Variants in DOCK9 observed in about 807,000 individuals in gnomAD.
DOCK9 encodes dedicator of cytokinesis protein 9.
DOCK9 carries 89 observed loss-of-function variants against 263.3 expected under a neutral mutation model. That is an observed-to-expected ratio of 0.34 (90% CI 0.28 to 0.40). The LOEUF is 0.40. Ranked by LOEUF, DOCK9 falls within the 10% of genes least tolerant of loss-of-function variation. The pLI is 1.00. For missense variants in DOCK9, 2,140 were observed against 2,603.4 expected, an observed-to-expected ratio of 0.82 and a Z score of 3.87; for synonymous variants, 976 against 973.1, an observed-to-expected ratio of 1.00 and a Z score of -0.06.
upstream of DOCK9, among the ~76,000 whole-genome samples, chr13:98,979,209 AGT>A (rs1876305640): frequency 7.8e-6 from 1 of 128,470 alleles, no homozygotes; most frequent in Admixed American, 7.9e-5. Flanking sequence ...TAGTAGTAGT[AGT>A]AGTAGTAGTA....
At position 98,825,826 on chromosome 13, in the gene DOCK9, A is replaced by G. The variant is rs1374833820; in HGVS notation, c.5023+1004T>C. The G allele has an allele frequency of 1.5e-6, 2 of 1,343,124 alleles. No individual in the cohort carries two copies. Among genetic ancestry groups the G allele is most frequent in the Admixed American group, 3.1e-5 (1 of 31,982 alleles). The allele number at this position is 1,343,124 out of a possible 1,614,324, so 83.2% of individuals were successfully genotyped here. On this transcript the variant is annotated intron_variant, in intron 44 of 52. Coordinates refer to ENST00000682017, the MANE Select transcript of DOCK9 (RefSeq NM_001366683.2). The surrounding 1 kb of genome is among the most constrained non-coding windows in gnomAD (Gnocchi z 4.1). ...ATCCCCCACCACGGGAGGGCACGTGACCAGGGCAGGGGGTCCCCGGGGGCT... is the reference window on the plus strand; with the variant it reads ...ATCCCCCACCACGGGAGGGCACGTGGCCAGGGCAGGGGGTCCCCGGGGGCT...
intron 1 of DOCK9, among the ~76,000 whole-genome samples, chr13:99,015,161 G>A (rs754554277): frequency 1.3e-5 from 2 of 152,108 alleles, no homozygotes; most frequent in Non-Finnish European, 1.5e-5. Context: ...TTATTTCTAG[G>A]ACTATACCAA....
intron 7 of DOCK9, among the ~76,000 whole-genome samples, chr13:98,916,349 G>A (rs2050886944): frequency 1.3e-5 from 2 of 152,228 alleles, no homozygotes; most frequent in African/African-American, 4.8e-5. Context: ...GCAGTAGACA[G>A]AGGTTCAGCT....
chr13:98,908,831 G>A (rs375969962), intron 9 of DOCK9, among the ~76,000 whole-genome samples: 10 of 152,040 alleles, frequency 6.6e-5, no homozygotes, highest in East Asian at 3.9e-4. Flanking sequence ...TACTTATTGC[G>A]GCAAGCACGC....
chr13:98,883,044 T>C lies in DOCK9; in HGVS notation c.2557A>G (p.Lys853Glu), dbSNP rs1393840861. The C allele has an allele frequency of 6.2e-7, 1 of 1,613,222 alleles. No individual in the cohort carries two copies. The change falls in exon 23 of 53, where the codon AAG (lysine) becomes GAG (glutamate). Residue 853 changes from lysine (K) to glutamate (E), a missense_variant and splice_region_variant. Physicochemically the swap from Lys to Glu is moderately conservative, Grantham distance 56. Coordinates refer to ENST00000682017, the MANE Select transcript of DOCK9 (RefSeq NM_001366683.2). ...ATACTAAGAAAGCCATGTGATACCTTAAGGTACTTTACAAGTTCGTTTCCT... is the reference window on the plus strand; with the variant it reads ...ATACTAAGAAAGCCATGTGATACCTCAAGGTACTTTACAAGTTCGTTTCCT... The part of the protein sequence containing the change: ...ALGNELVKYL[K>E]SLHAMEGHVM...
At chr13:98,886,754 C>T (rs1408271446) in intron 18 of DOCK9, 130 bp from the exon 19 acceptor site, 8 of 810,514 alleles carry the variant, frequency 9.9e-6, no homozygotes, top group African/African-American at 8.6e-5. Flanking sequence ...GGGCCCCAGG[C>T]CTGTGAGCCC....
upstream of DOCK9, among the ~76,000 whole-genome samples, chr13:99,086,980 C>T (rs990334541): frequency 6.6e-6 from 1 of 152,122 alleles, no homozygotes; most frequent in African/African-American, 2.4e-5. Context: ...GTTTCCTGCC[C>T]AGGGAGCCCG....
chr13:98,891,555 T>C (rs1256251336), intron 15 of DOCK9, among the ~76,000 whole-genome samples: 2 of 152,178 alleles, frequency 1.3e-5, no homozygotes, highest in African/African-American at 4.8e-5. Context: ...CCTCCACATA[T>C]AAATTTTTGA....
intron 48 of DOCK9, among the ~76,000 whole-genome samples, chr13:98,806,372 G>C (rs1367095437): frequency 1.3e-5 from 2 of 152,186 alleles, no homozygotes. Flanking sequence ...AGAAACAAAA[G>C]CTAATTTATT....
At chr13:98,804,477 G>A (rs1161333212) in intron 49 of DOCK9, among the ~76,000 whole-genome samples, 1 of 152,212 alleles carries the variant, frequency 6.6e-6, no homozygotes, top group African/African-American at 2.4e-5. Context: ...ACTGAATGCA[G>A]TGAGCTTCCT....
intron 1 of DOCK9, among the ~76,000 whole-genome samples, chr13:98,968,130 G>A (rs865828875): frequency 6.6e-6 from 1 of 152,268 alleles, no homozygotes; most frequent in Admixed American, 6.5e-5. Flanking sequence ...AAAATGTGAC[G>A]ATTCTAAATT....
chr13:99,009,315 G>A (rs1366772974), intron 1 of DOCK9, among the ~76,000 whole-genome samples: 1 of 152,108 alleles, frequency 6.6e-6, no homozygotes, highest in Non-Finnish European at 1.5e-5. Flanking sequence ...CATCAGCCTA[G>A]TTTACTGTTG....
At chr13:98,947,119 ACT>A (rs2056821425) in intron 2 of DOCK9, among the ~76,000 whole-genome samples, 1 of 151,858 alleles carries the variant, frequency 6.6e-6, no homozygotes, top group Non-Finnish European at 1.5e-5. Flanking sequence ...GTTCCACTAA[ACT>A]CTCAAATAAT....
At chr13:99,062,872 T>C (rs1039103179) in intron 1 of DOCK9, among the ~76,000 whole-genome samples, 1 of 152,184 alleles carries the variant, frequency 6.6e-6, no homozygotes, top group Non-Finnish European at 1.5e-5. Flanking sequence ...TCCTGTCTCT[T>C]TGGCAGAAAA....
rs559894408 is a variant in DOCK9, at chr13:99,079,181, A to G, written c.129+7042T>C. On this transcript the variant is annotated intron_variant, in intron 1 of 32. Coordinates refer to the DOCK9 transcript ENST00000427887. Reference sequence around the variant, plus strand: ...CTCCAAGCAAAAAGTTTAACTTAACACTATGACCAAGAGATCTCTATAGAC... The same window carrying G: ...CTCCAAGCAAAAAGTTTAACTTAACGCTATGACCAAGAGATCTCTATAGAC... Among the ~76,000 whole-genome samples, 15 of 152,382 alleles carry G rather than the reference A, an allele frequency of 9.8e-5. No individual in the cohort carries two copies. The South Asian group carries it at 3.1e-3, about 32-fold the overall frequency.
intron 15 of DOCK9, among the ~76,000 whole-genome samples, chr13:98,894,918 G>T (rs1033771132): frequency 2.8e-5 from 4 of 143,982 alleles, no homozygotes; most frequent in African/African-American, 1.0e-4. Context: ...AGACCAGCCT[G>T]GGCAAGATGG....
At chr13:98,808,603 C>G (rs553043286) in intron 47 of DOCK9, 2 of 1,433,988 alleles carry the variant, frequency 1.4e-6, no homozygotes, top group South Asian at 1.2e-5. Context: ...AGTAATTTCA[C>G]TATATTACTT....
rs931524675 is a variant in DOCK9, at chr13:98,902,969, T to C, written c.1176+3A>G. 1 of 1,500,552 alleles carries C rather than the reference T, an allele frequency of 6.7e-7. No individual in the cohort carries two copies. The highest frequency in any genetic ancestry group is 8.8e-7 in the Non-Finnish European group (1 of 1,130,312). 93.0% of individuals were successfully genotyped at this position (1,500,552 alleles called of 1,614,324 possible). A position where few individuals can be genotyped will look rare whatever the true frequency, so the allele number is the denominator to read the frequency against. On this transcript the variant is annotated splice_donor_region_variant and intron_variant, in intron 11 of 52. Coordinates refer to ENST00000682017, the MANE Select transcript of DOCK9 (RefSeq NM_001366683.2). Reference sequence around the variant, plus strand: ...AATGTTTATTTTTAAAATGAAAAATTACATTTGTAGTGGGTCCTTCTTCAT... The same window carrying C: ...AATGTTTATTTTTAAAATGAAAAATCACATTTGTAGTGGGTCCTTCTTCAT...
At chr13:99,019,346 CAT>C (rs1215816179) in intron 1 of DOCK9, among the ~76,000 whole-genome samples, 30 of 151,176 alleles carry the variant, frequency 2.0e-4, no homozygotes, top group Non-Finnish European at 1.5e-5. Flanking sequence ...TCTATACACA[CAT>C]ATAGTCTGTG....
Sources: gnomAD v4.1 joint callset for allele counts (sites outside exome capture counted in the v4.1 genomes callset) on GRCh38, gnomAD v4.1.1 for gene constraint, Gnocchi (gnomAD v3.1) non-coding constraint, MANE v1.5 for transcripts, NCBI Gene and HGNC (gene_info 2026-07-23, HGNC 2026-07-21) for gene names.